The following SNX10 variants were observed in gnomAD, a reference collection of about 807,000 sequenced individuals.
SNX10 encodes the protein sorting nexin-10.
In SNX10, 25 loss-of-function variants were observed where a neutral mutation model predicts 28.5. That is an observed-to-expected ratio of 0.88 (90% CI 0.64 to 1.22). SNX10 has a LOEUF of 1.22. Among genes scored for constraint, SNX10 ranks in the 50% most tolerant of loss-of-function variants. The probability of loss-of-function intolerance (pLI) is 0.00; values close to 1 mark genes in which losing one functional copy is unlikely to be tolerated. For missense variants in SNX10, 223 were observed against 242.6 expected (o/e 0.92, Z 0.54); for synonymous variants, 62 against 81.4 (o/e 0.76, Z 1.28).
At chr7:26,352,638 A>G (rs1414520327) in intron 2 of SNX10, among the ~76,000 whole-genome samples, 3 of 152,256 alleles carry the variant, frequency 2.0e-5, no homozygotes, top group African/African-American at 7.2e-5. Flanking sequence ...ATATTTCAGT[A>G]TGCATTTCTA....
chr7:26,371,334 T>A (rs1789523737), intron 5 of SNX10, among the ~76,000 whole-genome samples: 1 of 152,148 alleles, frequency 6.6e-6, no homozygotes, highest in South Asian at 2.1e-4. Context: ...CTTAAGTATA[T>A]AACTGTAAAG....
At chr7:26,368,711 C>T (rs1220876422) in intron 5 of SNX10, among the ~76,000 whole-genome samples, 5 of 152,076 alleles carry the variant, frequency 3.3e-5, no homozygotes, top group East Asian at 1.9e-4. Context: ...TACACACACA[C>T]GATTTTTATG....
chr7:26,296,398 C>T (rs575102446), intron 1 of SNX10, among the ~76,000 whole-genome samples: 2 of 152,118 alleles, frequency 1.3e-5, no homozygotes, highest in African/African-American at 4.8e-5. Context: ...CACCTGTAGT[C>T]CTAGCTTCTT....
chr7:26,364,648 G>C lies in SNX10; in HGVS notation c.212+13G>C, dbSNP rs1290966244. ...ATGCGTTGCTGGTGTAAGTGATTTA[G>C]AGTATACTGTGGAGACTTTGTCATT... On this transcript the variant is annotated intron_variant, in intron 4 of 6. Coordinates refer to ENST00000338523, the MANE Select transcript of SNX10 (RefSeq NM_013322.3). This position sits in a 1 kb window ranked among gnomAD's most constrained non-coding sequence, Gnocchi z 4.9. 2.5e-6 allele frequency: 4 copies of C among 1,579,258 alleles called. No individual in the cohort carries two copies. Among genetic ancestry groups the C allele is most frequent in the Middle Eastern group, 1.7e-4 (1 of 6,006 alleles).
chr7:26,361,175 T>A, intron 3 of SNX10, 114 bp downstream of exon 3: 7 of 1,036,628 alleles, frequency 6.8e-6, no homozygotes, highest in Non-Finnish European at 9.4e-6. Flanking sequence ...TGAATTTGAA[T>A]GATTACAACT....
chr7:26,336,306 C>G (rs1367934413), intron 1 of SNX10, among the ~76,000 whole-genome samples: 2 of 151,804 alleles, frequency 1.3e-5, no homozygotes, highest in Non-Finnish European at 2.9e-5. Flanking sequence ...AATCCTACCA[C>G]TTAGAAATGA....
intron 1 of SNX10, among the ~76,000 whole-genome samples, chr7:26,334,485 C>T (rs1469393034): frequency 1.3e-5 from 2 of 152,200 alleles, no homozygotes; most frequent in Admixed American, 6.5e-5. Context: ...CATGCACATG[C>T]AGGTATGTTC....
chr7:26,309,750 T>C (rs911589493), intron 1 of SNX10, among the ~76,000 whole-genome samples: 11 of 152,110 alleles, frequency 7.2e-5, no homozygotes, highest in African/African-American at 2.7e-4. Context: ...GGGTGCCCTG[T>C]TGGATGTAGG....
At chr7:26,299,626 T>G (rs1166596126) in intron 1 of SNX10, among the ~76,000 whole-genome samples, 2 of 151,702 alleles carry the variant, frequency 1.3e-5, no homozygotes, top group Non-Finnish European at 2.9e-5. Flanking sequence ...AGACAGGGTT[T>G]CACCGTGTTG....
intron 5 of SNX10, 108 bp downstream of exon 5, chr7:26,365,253 A>G (rs1789244233): frequency 1.4e-6 from 1 of 694,706 alleles, no homozygotes; most frequent in Non-Finnish European, 2.6e-6. Flanking sequence ...AATGCAAATA[A>G]TCTGCACTAG....
chr7:26,331,102 G>GATC (rs1468755617), intron 1 of SNX10, among the ~76,000 whole-genome samples: 1 of 151,184 alleles, frequency 6.6e-6, no homozygotes, highest in African/African-American at 2.4e-5. Context: ...AGTGAGCTGT[G>GATC]ATCACACCAC....
chr7:26,351,429 C>T (rs1788589335), intron 2 of SNX10, among the ~76,000 whole-genome samples: 1 of 152,072 alleles, frequency 6.6e-6, no homozygotes, highest in Non-Finnish European at 1.5e-5. Flanking sequence ...CCTATAACAC[C>T]AATCTAATCA....
intron 1 of SNX10, among the ~76,000 whole-genome samples, chr7:26,330,799 C>T (rs1025680525): frequency 2.0e-5 from 3 of 152,010 alleles, no homozygotes; most frequent in African/African-American, 7.3e-5. Context: ...GCAGGAGAAT[C>T]GCTCGAGCCC....
chr7:26,311,509 T>TG (rs981593904), intron 1 of SNX10, among the ~76,000 whole-genome samples: 2 of 152,016 alleles, frequency 1.3e-5, no homozygotes, highest in African/African-American at 2.4e-5. Context: ...GCTGTTGCAC[T>TG]GGGGGGAGGG....
chr7:26,334,928 C>T (rs1407663480), intron 1 of SNX10, among the ~76,000 whole-genome samples: 1 of 152,158 alleles, frequency 6.6e-6, no homozygotes, highest in African/African-American at 2.4e-5. Context: ...GCTCTGCAGG[C>T]CCTCCCCAAA....
intron 1 of SNX10, among the ~76,000 whole-genome samples, chr7:26,307,995 C>T (rs76439717): frequency 0.014 from 2,069 of 152,288 alleles, 52 homozygotes; most frequent in African/African-American, 0.048. Flanking sequence ...TCCATCCCTG[C>T]CTTCCAACAG....
chr7:26,343,424 A>C (rs1478397577), intron 1 of SNX10, among the ~76,000 whole-genome samples: 1 of 152,156 alleles, frequency 6.6e-6, no homozygotes, highest in Non-Finnish European at 1.5e-5. Flanking sequence ...GGGGATATTC[A>C]AATCCTCACA....
At chr7:26,325,627 A>G (rs1240464396) in intron 1 of SNX10, among the ~76,000 whole-genome samples, 1 of 151,780 alleles carries the variant, frequency 6.6e-6, no homozygotes, top group Non-Finnish European at 1.5e-5. Context: ...CCAGCCATCA[A>G]ATATAAATTT....
rs1471466656 is a variant in SNX10, at chr7:26,360,913, A to G, written c.25-62A>G. ...TTGTTTTAGTGCAGTCGTTTTGTTC[A>G]GTTCTTTCCAGTCCTACTTGCAGTT... On this transcript the variant is annotated intron_variant, in intron 2 of 6. Transcript: ENST00000338523. 10 of 1,595,282 alleles carry G rather than the reference A, an allele frequency of 6.3e-6. No individual in the cohort carries two copies. In the Admixed American group the frequency reaches 1.2e-4, roughly 19 times the overall value.
Sources: allele counts gnomAD v4.1 joint callset (sites outside exome capture counted in the v4.1 genomes callset), GRCh38; gene constraint gnomAD v4.1.1; non-coding constraint Gnocchi (gnomAD v3.1); transcripts MANE v1.5; gene names NCBI Gene and HGNC (gene_info 2026-07-23, HGNC 2026-07-21).